Variants in CGNL1 observed in about 807,000 individuals in gnomAD.
The protein encoded by CGNL1 is cingulin-like protein 1.
Under a neutral mutation model 141.2 loss-of-function variants are expected in CGNL1, and 132 were observed. The observed-to-expected ratio is 0.93, with a 90% confidence interval of 0.81 to 1.08. CGNL1 has a LOEUF of 1.08. Ranked by LOEUF, CGNL1 falls within the 50% of genes least tolerant of loss-of-function variation. CGNL1 has a pLI of 0.00. For missense variants in CGNL1, 1,870 were observed against 1,588.6 expected (o/e 1.18, Z -3.01); for synonymous variants, 690 against 622.1 (o/e 1.11, Z -1.63).
intron 8 of CGNL1, among the ~76,000 whole-genome samples, chr15:57,509,785 T>C (rs1393435038): frequency 6.6e-6 from 1 of 152,238 alleles, no homozygotes; most frequent in Non-Finnish European, 1.5e-5. Flanking sequence ...TCTTTTAAAA[T>C]TGGTAATTGG....
chr15:57,490,209 C>T (rs2063839754), intron 8 of CGNL1, among the ~76,000 whole-genome samples: 1 of 152,188 alleles, frequency 6.6e-6, no homozygotes, highest in Non-Finnish European at 1.5e-5. Flanking sequence ...CCTCAGGCAA[C>T]TGCTCCAACC....
chr15:57,410,868 A>C (rs1416235740), intron 1 of CGNL1, among the ~76,000 whole-genome samples: 2 of 152,166 alleles, frequency 1.3e-5, no homozygotes, highest in Non-Finnish European at 2.9e-5. Flanking sequence ...GAAGTTCGTA[A>C]CGTTTGTGTC....
intron 2 of CGNL1, among the ~76,000 whole-genome samples, chr15:57,440,126 T>G: frequency 8.0e-6 from 1 of 124,928 alleles, no homozygotes; most frequent in African/African-American, 2.7e-5. Context: ...AAAAAAAAAG[T>G]AGCTAAGTGC....
At position 57,390,159 on chromosome 15, in the gene CGNL1, C is replaced by T. The variant is rs953038296; in HGVS notation, c.-16+13592C>T. 5.3e-5 allele frequency among the ~76,000 whole-genome samples: 8 copies of T among 152,186 alleles called. No individual in the cohort carries two copies. In the East Asian group the frequency reaches 5.8e-4, roughly 11 times the overall value. On this transcript the variant is annotated intron_variant, in intron 1 of 18. Coordinates refer to ENST00000281282, the MANE Select transcript of CGNL1 (RefSeq NM_032866.5). Reference sequence around the variant, plus strand: ...TGACCACAAAGGTTCATTTTCCCCTCGCTCAGCTGTTGGTTGGGTGTGGTT... The same window carrying T: ...TGACCACAAAGGTTCATTTTCCCCTTGCTCAGCTGTTGGTTGGGTGTGGTT...
At chr15:57,447,461 G>T (rs1039604536) in intron 4 of CGNL1, among the ~76,000 whole-genome samples, 1 of 152,180 alleles carries the variant, frequency 6.6e-6, no homozygotes, top group Non-Finnish European at 1.5e-5. Flanking sequence ...TTTGACCTCA[G>T]TTGGCTCCAT....
At chr15:57,462,548 A>T (rs778386302) in intron 8 of CGNL1, among the ~76,000 whole-genome samples, 1 of 152,214 alleles carries the variant, frequency 6.6e-6, no homozygotes. Flanking sequence ...TTGAAATGTC[A>T]TGCCATCTTT....
chr15:57,485,352 A>G (rs1447051562), intron 8 of CGNL1, among the ~76,000 whole-genome samples: 2 of 152,312 alleles, frequency 1.3e-5, no homozygotes, highest in East Asian at 3.9e-4. Context: ...TCTTGAAAAG[A>G]TTGTATATTT....
chr15:57,456,210 T>G (rs1201105608), intron 7 of CGNL1, among the ~76,000 whole-genome samples: 1 of 152,222 alleles, frequency 6.6e-6, no homozygotes, highest in African/African-American at 2.4e-5. Context: ...AGTATAGTTG[T>G]GGCCAAGTTT....
intron 1 of CGNL1, chr15:57,398,524 G>C (rs976378932): frequency 3.9e-5 from 6 of 152,234 alleles, no homozygotes; most frequent in South Asian, 4.1e-4. Flanking sequence ...CACGCACCTG[G>C]TCCTGCAGTG....
At chr15:57,461,952 C>T in intron 8 of CGNL1, 60 bp downstream of exon 8, 2 of 1,230,860 alleles carry the variant, frequency 1.6e-6, no homozygotes, top group Non-Finnish European at 2.4e-6. Flanking sequence ...GACCCTCTCT[C>T]CCACACCACT....
intron 8 of CGNL1, among the ~76,000 whole-genome samples, chr15:57,482,794 T>TA (rs1219274414): frequency 6.6e-6 from 1 of 152,076 alleles, no homozygotes; most frequent in East Asian, 1.9e-4. Flanking sequence ...TCTCTCTTTT[T>TA]TTTTTTTGAG....
chr15:57,537,254 C>A (rs1158305184), intron 14 of CGNL1, among the ~76,000 whole-genome samples: 1 of 152,130 alleles, frequency 6.6e-6, no homozygotes, highest in Non-Finnish European at 1.5e-5. Context: ...CATGGTCTCT[C>A]CAGGGACTGA....
rs1031721670 is a variant in CGNL1 at position 57,433,820 on chromosome 15, C to A, written c.-15-4165C>A. 2.6e-5 allele frequency among the ~76,000 whole-genome samples: 4 copies of A among 152,138 alleles called. No homozygotes were observed. In the South Asian group the frequency reaches 8.3e-4, roughly 32 times the overall value. On this transcript the variant is annotated intron_variant, in intron 1 of 18. Coordinates refer to ENST00000281282, the MANE Select transcript of CGNL1 (RefSeq NM_032866.5). ...TCTGTCCATGATGGCAGCAGCCAGG[C>A]GTGTGCAGCCCCAGCAATGAAGTGG...
Position 57,531,771 on chromosome 15 carries a change from A to G in CGNL1, c.3283A>G (p.Arg1095Gly), listed in dbSNP as rs749248051. The change falls in exon 14 of 19, where the codon AGG becomes GGG. Residue 1095 changes from arginine (R) to glycine (G), a missense_variant. Coordinates refer to ENST00000281282, the MANE Select transcript of CGNL1 (RefSeq NM_032866.5). The stretch of plus-strand genomic sequence containing the variant: ...GCTGTCTGAGAGGATCAGTAGGAGC[A>G]GGGAACAGGTACTATTCTATAGGTG... ...DLLSERISRS[R>G]EQMEQLRNEL... 1.9e-6 allele frequency: 3 copies of G among 1,598,818 alleles called. No homozygotes were observed. The highest frequency in any genetic ancestry group is 1.7e-5 in the Admixed American group (1 of 60,010).
intron 1 of CGNL1, among the ~76,000 whole-genome samples, chr15:57,408,430 T>C (rs1228769897): frequency 1.3e-5 from 2 of 152,152 alleles, no homozygotes; most frequent in Non-Finnish European, 2.9e-5. Context: ...AATCGGAGAA[T>C]CAATTATTCA....
intron 8 of CGNL1, 80 bp downstream of exon 8, chr15:57,461,972 C>T: frequency 2.0e-6 from 2 of 1,020,588 alleles, no homozygotes; most frequent in Admixed American, 1.9e-5. Flanking sequence ...TGCAAATCCC[C>T]TTCATTCCTT....
chr15:57,467,376 T>C (rs185679251), intron 8 of CGNL1, among the ~76,000 whole-genome samples: 1 of 152,290 alleles, frequency 6.6e-6, no homozygotes, highest in Non-Finnish European at 1.5e-5. Flanking sequence ...TGTTTGGGCA[T>C]GCGGGCTGAG....
chr15:57,523,480 C>T lies in CGNL1; in HGVS notation c.2716-9C>T. The stretch of plus-strand genomic sequence containing the variant: ...GGTGACAGCACTGTCCTTTCCCTGC[C>T]ATTTGCAGGGAAATCTGAGTCAGAC... On this transcript the variant is annotated splice_polypyrimidine_tract_variant and intron_variant, in intron 10 of 18. Coordinates refer to ENST00000281282, the MANE Select transcript of CGNL1 (RefSeq NM_032866.5). 6.2e-7 allele frequency: 1 copy of T among 1,613,812 alleles called. No individual in the cohort carries two copies.
chr15:57,465,652 A>T (rs1976644), intron 8 of CGNL1, among the ~76,000 whole-genome samples: 9 of 120,888 alleles, frequency 7.4e-5, no homozygotes, highest in Non-Finnish European at 1.2e-4. Flanking sequence ...CAACCTCCCC[A>T]AAAAAAAAGG....
Sources: allele counts gnomAD v4.1 joint callset (sites outside exome capture counted in the v4.1 genomes callset), GRCh38; gene constraint gnomAD v4.1.1; transcripts MANE v1.5; gene names NCBI Gene and HGNC (gene_info 2026-07-23, HGNC 2026-07-21).